Variants in TIPIN observed in about 807,000 individuals in gnomAD.
TIPIN encodes TIMELESS-interacting protein.
Under a neutral mutation model 35.6 loss-of-function variants are expected in TIPIN, and 29 were observed. The observed-to-expected ratio is 0.82, with a 90% CI of 0.61 to 1.11. The LOEUF is 1.11. TIPIN is among the 50% of genes most tolerant of loss of function. TIPIN has a pLI of 0.00. For synonymous variants in TIPIN, 102 were observed against 121.5 expected (o/e 0.84, Z 1.06); for missense variants, 296 against 345.4 (o/e 0.86, Z 1.13).
At position 66,349,424 on chromosome 15, in the gene TIPIN, T is replaced by C; in HGVS notation, c.302A>G (p.Lys101Arg). ...KGKGHEAEDL[K>R]MLIRHMEHWA... ...GTGCTCCATGTGTCTGATTAGCATC[T>C]TCAAGTCTTCAGCCTGCCACATAAA... The change falls in exon 5 of 8, where the codon AAG (lysine) becomes AGG (arginine). Residue 101 changes from lysine to arginine, a missense_variant. Lys to Arg is a conservative substitution (Grantham distance 26, BLOSUM62 2). Transcript: ENST00000261881. 1 of 1,612,134 alleles carries C rather than the reference T, an allele frequency of 6.2e-7. No individual in the cohort carries two copies. Among genetic ancestry groups the C allele is most frequent in the Non-Finnish European group, 8.5e-7 (1 of 1,179,618 alleles).
At chr15:66,381,829 C>T (rs574738555) in intron 1 of TIPIN, among the ~76,000 whole-genome samples, 15 of 152,174 alleles carry the variant, frequency 9.9e-5, no homozygotes, top group East Asian at 7.8e-4. Flanking sequence ...TTTGGGAGGC[C>T]GAGGTGGGTG....
At chr15:66,344,668 T>C (rs1420186150) in intron 6 of TIPIN, among the ~76,000 whole-genome samples, 1 of 101,410 alleles carries the variant, frequency 9.9e-6, no homozygotes, top group East Asian at 2.7e-4. Context: ...CTGCAAAACA[T>C]AGGGAGACCC....
chr15:66,339,157 A>T lies in TIPIN; in HGVS notation c.683-1976T>A, dbSNP rs55689325. Among the ~76,000 whole-genome samples, 8 of 72,174 alleles carry T rather than the reference A, an allele frequency of 1.1e-4. 2 individuals are homozygous for T. Among genetic ancestry groups the T allele is most frequent in the South Asian group, 5.4e-4 (1 of 1,866 alleles). 47.3% of individuals were successfully genotyped at this position (72,174 alleles called of 152,430 possible). A position where few individuals can be genotyped will look rare whatever the true frequency, so the allele number is the denominator to read the frequency against. On this transcript the variant is annotated intron_variant, in intron 7 of 7. Coordinates refer to ENST00000261881, the MANE Select transcript of TIPIN (RefSeq NM_017858.3). ...AAAAAAAAAAAAAAAAAAAAAAAAA[A>T]GCAAAAAGAAAAAGTAAATTCATCT...
chr15:66,377,222 A>G (rs908705061), intron 1 of TIPIN, among the ~76,000 whole-genome samples: 1 of 152,090 alleles, frequency 6.6e-6, no homozygotes, highest in African/African-American at 2.4e-5. Context: ...GATCTCTCAT[A>G]ATTTGCATTT....
intron 1 of TIPIN, among the ~76,000 whole-genome samples, chr15:66,367,528 G>A (rs910564839): frequency 6.6e-6 from 1 of 151,572 alleles, no homozygotes; most frequent in African/African-American, 2.4e-5. Flanking sequence ...CGAAGTAGCT[G>A]GAACTACAGG....
upstream of TIPIN, chr15:66,356,755 G>T (rs546011634): frequency 1.3e-4 from 132 of 984,836 alleles, no homozygotes; most frequent in East Asian, 4.5e-4. Flanking sequence ...CGCCAAATCC[G>T]TGCGGGGGGC....
At chr15:66,380,872 T>C (rs1453832269) in intron 1 of TIPIN, among the ~76,000 whole-genome samples, 1 of 152,138 alleles carries the variant, frequency 6.6e-6, no homozygotes, top group Non-Finnish European at 1.5e-5. Context: ...TAAAAAATAT[T>C]AATCCCTACT....
intron 6 of TIPIN, among the ~76,000 whole-genome samples, chr15:66,344,991 G>A (rs908315959): frequency 1.3e-5 from 2 of 152,220 alleles, no homozygotes; most frequent in Admixed American, 6.6e-5. Context: ...TATTCAGTGT[G>A]TTACAGGATG....
intron 1 of TIPIN, among the ~76,000 whole-genome samples, chr15:66,377,107 CAA>C (rs36061431): frequency 1.7e-4 from 18 of 105,462 alleles, no homozygotes; most frequent in Non-Finnish European, 2.3e-4. Flanking sequence ...GACTCCCTCT[CAA>C]AAAAAAAAAA....
chr15:66,380,699 C>T (rs1342820100), intron 1 of TIPIN, among the ~76,000 whole-genome samples: 4 of 152,052 alleles, frequency 2.6e-5, no homozygotes, highest in African/African-American at 9.7e-5. Context: ...CCTGTAATGC[C>T]AGCTACTCAG....
At chr15:66,366,221 C>T (rs1278443805) in intron 1 of TIPIN, among the ~76,000 whole-genome samples, 1 of 151,348 alleles carries the variant, frequency 6.6e-6, no homozygotes, top group Non-Finnish European at 1.5e-5. Flanking sequence ...TTTGGGAGGC[C>T]GAGGCGGGCA....
intron 1 of TIPIN, chr15:66,380,001 TC>T (rs199797844): frequency 0.12 from 33,378 of 284,054 alleles, 1,089 homozygotes; most frequent in South Asian, 0.22. Context: ...TTTCTTTCTT[TC>T]TTTTTTTTTT....
upstream of TIPIN, among the ~76,000 whole-genome samples, chr15:66,359,856 C>A (rs1230713443): frequency 6.6e-6 from 1 of 152,186 alleles, no homozygotes; most frequent in Non-Finnish European, 1.5e-5. Context: ...AGAGCAGATA[C>A]TGATACTCTT....
intron 1 of TIPIN, chr15:66,383,424 A>G (rs2140505134): frequency 5.4e-6 from 1 of 186,796 alleles, no homozygotes; most frequent in East Asian, 1.9e-4. Context: ...CACCACATTC[A>G]GATAATTTTT....
At position 66,352,203 on chromosome 15, in the gene TIPIN, T is replaced by G. The variant is rs111452765; in HGVS notation, c.138A>C (p.Ser46=). The G allele has an allele frequency of 2.6e-5, 42 of 1,602,074 alleles. 2 individuals are homozygous for G. The African/African-American group carries it at 2.7e-4, about 10-fold the overall frequency. Residue 46 remains serine (S), a synonymous_variant, in exon 3 of 8, where the codon TCA becomes TCC. Transcript: ENST00000261881. ...GTACACGAACAGGTGCTCCATTTCCTGACTCTGGTGAAACAAACCACGATT... is the reference window on the plus strand; with the variant it reads ...GTACACGAACAGGTGCTCCATTTCCGGACTCTGGTGAAACAAACCACGATT... ...DGEGTEPDEE[S]GNGAPVRVPP... is the part of the protein sequence containing the mutation.
chr15:66,384,638 C>T (rs1010474590), intron 1 of TIPIN, among the ~76,000 whole-genome samples: 5 of 151,996 alleles, frequency 3.3e-5, no homozygotes, highest in Non-Finnish European at 5.9e-5. Context: ...TCAGGCCGGG[C>T]GCAGTGGCTC....
intron 1 of TIPIN, among the ~76,000 whole-genome samples, chr15:66,368,729 A>ATGAT (rs1425176360): frequency 1.3e-5 from 2 of 152,192 alleles, no homozygotes; most frequent in African/African-American, 4.8e-5. Flanking sequence ...GGAGAAAGGT[A>ATGAT]TGATAGACAA....
At chr15:66,338,808 C>T (rs554987103) in intron 7 of TIPIN, among the ~76,000 whole-genome samples, 89 of 118,632 alleles carry the variant, frequency 7.5e-4, no homozygotes, top group African/African-American at 3.2e-3. Context: ...AGCAAGACTC[C>T]GTCTCAAAAA....
chr15:66,382,727 T>C (rs1468718357), intron 1 of TIPIN: 1 of 163,784 alleles, frequency 6.1e-6, no homozygotes, highest in Non-Finnish European at 1.3e-5. Flanking sequence ...CTACACTGTG[T>C]ACAAATGGGA....
Sources: allele counts gnomAD v4.1 joint callset (sites outside exome capture counted in the v4.1 genomes callset), GRCh38; gene constraint gnomAD v4.1.1; transcripts MANE v1.5; gene names NCBI Gene and HGNC (gene_info 2026-07-23, HGNC 2026-07-21).